Variants in CCDC171 observed in about 807,000 individuals in gnomAD.
The protein encoded by CCDC171 is coiled-coil domain-containing protein 171.
Under a neutral mutation model 168.2 loss-of-function variants are expected in CCDC171, and 177 were observed. The observed-to-expected ratio is 1.05, with a 90% confidence interval of 0.93 to 1.19. The LOEUF (loss-of-function observed/expected upper bound fraction) is 1.19, where lower values mean the gene tolerates loss of function less well. CCDC171 is among the 50% of genes most tolerant of loss of function. CCDC171 has a pLI of 0.00. For synonymous variants in CCDC171, 687 were observed against 540.8 expected (o/e 1.27, Z -3.75); for missense variants, 1,991 against 1,539.0 (o/e 1.29, Z -4.91).
At chr9:15,744,907 A>G in intron 17 of CCDC171, 130 bp downstream of exon 17, 1 of 827,792 alleles carries the variant, frequency 1.2e-6, no homozygotes, top group Non-Finnish European at 1.8e-6. Flanking sequence ...TAGTCTCCAT[A>G]TGTACGTATA....
chr9:15,840,844 T>C (rs1402735548), intron 21 of CCDC171, among the ~76,000 whole-genome samples: 1 of 152,158 alleles, frequency 6.6e-6, no homozygotes, highest in Non-Finnish European at 1.5e-5. Flanking sequence ...ATACATTTAG[T>C]CTATCACAAA....
chr9:15,994,366 C>T (rs1045913793), intron 3 of CCDC171, among the ~76,000 whole-genome samples: 6 of 152,140 alleles, frequency 3.9e-5, no homozygotes, highest in Admixed American at 6.5e-5. Context: ...TGTTCTCACT[C>T]ATAGGTGGGA....
At chr9:15,847,918 A>G (rs2060970996) in intron 22 of CCDC171, among the ~76,000 whole-genome samples, 3 of 152,174 alleles carry the variant, frequency 2.0e-5, no homozygotes, top group Admixed American at 2.0e-4. Flanking sequence ...GAAAATTGTA[A>G]AGCTATGTAA....
chr9:15,784,358 G>A, intron 20 of CCDC171, 151 bp from the exon 21 acceptor site: 2 of 466,632 alleles, frequency 4.3e-6, no homozygotes, highest in Non-Finnish European at 7.4e-6. Flanking sequence ...TTTTTATCTT[G>A]ACTTATGCAA....
At chr9:16,023,161 G>A (rs1165336755) in intron 6 of CCDC171, among the ~76,000 whole-genome samples, 6 of 151,686 alleles carry the variant, frequency 4.0e-5, no homozygotes, top group Admixed American at 6.6e-5. Context: ...TGGCGCGATC[G>A]GGTTCATTGT....
chr9:15,584,877 T>G (rs1041083883), intron 4 of CCDC171, among the ~76,000 whole-genome samples: 1 of 152,208 alleles, frequency 6.6e-6, no homozygotes, highest in Non-Finnish European at 1.5e-5. Context: ...GACTTTCATT[T>G]AACCATGAGG....
In CCDC171 at chr9:15,706,965, C is replaced by T. The variant is rs536210812; in HGVS notation, c.1318+11628C>T. ...AAGACAACAAATTGGATTTTTCCTC[C>T]CCCCTTTCCTGCTTTACTTCTTTCA... On this transcript the variant is annotated intron_variant, in intron 11 of 25. Transcript: ENST00000380701. Among the ~76,000 whole-genome samples the T allele has an allele frequency of 7.9e-5, 12 of 152,232 alleles. No individual in the cohort carries two copies. The South Asian group carries it at 2.5e-3, about 32-fold the overall frequency.
intron 7 of CCDC171, among the ~76,000 whole-genome samples, chr9:15,654,535 T>G (rs940640753): frequency 3.7e-4 from 56 of 152,360 alleles, no homozygotes; most frequent in African/African-American, 1.1e-3. Context: ...AGTTTGTGGA[T>G]TATTCAGTTT....
intron 23 of CCDC171, among the ~76,000 whole-genome samples, chr9:15,873,850 T>C (rs1026709043): frequency 1.3e-5 from 2 of 152,140 alleles, no homozygotes; most frequent in Non-Finnish European, 2.9e-5. Flanking sequence ...GTTTGTATTG[T>C]TGCTTTCTGA....
chr9:15,920,138 C>A, intron 24 of CCDC171, 132 bp from the exon 25 acceptor site: 1 of 516,338 alleles, frequency 1.9e-6, no homozygotes, highest in Non-Finnish European at 3.3e-6. Context: ...TTAGGTTTAG[C>A]TTTATTATTT....
chr9:15,935,109 A>T (rs1323170435), intron 25 of CCDC171, among the ~76,000 whole-genome samples: 3 of 152,094 alleles, frequency 2.0e-5, no homozygotes, highest in Admixed American at 1.3e-4. Flanking sequence ...AATGTTGTGA[A>T]TGTTCCTGAT....
At chr9:15,688,984 A>G (rs371899741) in intron 10 of CCDC171, among the ~76,000 whole-genome samples, 120 of 152,372 alleles carry the variant, frequency 7.9e-4, no homozygotes, top group African/African-American at 2.7e-3. Context: ...AGAGAAAATT[A>G]TTAGAGCTAA....
At chr9:15,867,469 C>G (rs1473144436) in intron 23 of CCDC171, among the ~76,000 whole-genome samples, 1 of 152,000 alleles carries the variant, frequency 6.6e-6, no homozygotes, top group Non-Finnish European at 1.5e-5. Context: ...TACTTACGGT[C>G]TTTGAACTCT....
At chr9:15,796,197 T>C (rs1404176385) in intron 21 of CCDC171, among the ~76,000 whole-genome samples, 2 of 152,174 alleles carry the variant, frequency 1.3e-5, no homozygotes, top group Non-Finnish European at 1.5e-5. Context: ...GAAAATATAG[T>C]CATGGAGATT....
intron 3 of CCDC171, among the ~76,000 whole-genome samples, chr9:15,981,980 A>T (rs1831810585): frequency 6.6e-6 from 1 of 152,194 alleles, no homozygotes; most frequent in Non-Finnish European, 1.5e-5. Context: ...GAAAAGGCTT[A>T]TACTTCTGTT....
intron 1 of CCDC171, among the ~76,000 whole-genome samples, chr9:16,057,699 C>G (rs1182554852): frequency 6.6e-6 from 1 of 152,234 alleles, no homozygotes; most frequent in Non-Finnish European, 1.5e-5. Context: ...CTGCCACACA[C>G]AAGCCCTGTT....
intron 21 of CCDC171, among the ~76,000 whole-genome samples, chr9:15,823,670 G>A (rs1419677780): frequency 1.3e-5 from 2 of 152,086 alleles, no homozygotes; most frequent in East Asian, 1.9e-4. Flanking sequence ...TATTTGTAAT[G>A]TTGCATGAAA....
downstream of CCDC171, among the ~76,000 whole-genome samples, chr9:16,064,169 T>A (rs566437156): frequency 6.6e-6 from 1 of 152,330 alleles, no homozygotes; most frequent in Admixed American, 6.5e-5. Context: ...TGGAGGCAGC[T>A]CTTTTCCTGA....
In CCDC171 at chr9:15,661,094, C is replaced by T. The variant is rs185094403; in HGVS notation, c.915+3875C>T. ...AGGAGATCGAGACCATCCTGGCTAA[C>T]ACGGGGAAACCCCATCCCTACTAAA... On this transcript the variant is annotated intron_variant, in intron 8 of 25. Transcript: ENST00000380701. 1.8e-3 allele frequency among the ~76,000 whole-genome samples: 274 copies of T among 152,164 alleles called. 2 individuals are homozygous for T. Among genetic ancestry groups the T allele is most frequent in the African/African-American group, 6.2e-3 (256 of 41,508 alleles).
Sources: allele counts gnomAD v4.1 joint callset (sites outside exome capture counted in the v4.1 genomes callset), GRCh38; gene constraint gnomAD v4.1.1; transcripts MANE v1.5; gene names NCBI Gene and HGNC (gene_info 2026-07-23, HGNC 2026-07-21).